Variants in ATXN7 observed in about 807,000 individuals in gnomAD.
The protein encoded by ATXN7 is ataxin 7.
Under a neutral mutation model 70.5 loss-of-function variants are expected in ATXN7, and 12 were observed. The ratio of observed to expected loss-of-function variants is 0.17; its 90% CI spans 0.11 to 0.28. The LOEUF (loss-of-function observed/expected upper bound fraction) is 0.28. ATXN7 is among the 10% of genes least tolerant of loss of function. The pLI is 1.00. For missense variants in ATXN7, 1,256 were observed against 1,131.7 expected, an observed-to-expected ratio of 1.11 and a Z score of -1.58; for synonymous variants, 498 against 448.7, an observed-to-expected ratio of 1.11 and a Z score of -1.39.
chr3:63,980,976 G>A (rs1268710079), intron 6 of ATXN7, among the ~76,000 whole-genome samples: 1 of 152,176 alleles, frequency 6.6e-6, no homozygotes, highest in Non-Finnish European at 1.5e-5. Flanking sequence ...GTCACGTGAG[G>A]GAGCAGCCAC....
chr3:64,002,969 GTAACTTA>G lies in ATXN7; in HGVS notation c.*3506_*3512del, dbSNP rs1199137893. On this transcript the variant is annotated 3_prime_UTR_variant, in exon 13 of 13. Transcript: ENST00000674280. The stretch of plus-strand genomic sequence containing the variant: ...GAAAAAAATGTATAATTTGAAAAAT[GTAACTTA>G]TAAGGGCAGCTGTCTTCCTGCAAGA... 3 of 152,102 alleles carry G rather than the reference GTAACTTA, an allele frequency of 2.0e-5. No homozygotes were observed. The highest frequency in any genetic ancestry group is 4.4e-5 in the Non-Finnish European group (3 of 68,026). 9.4% of individuals were successfully genotyped at this position (152,102 alleles called of 1,614,324 possible).
chr3:63,940,475 C>T (rs984342871), intron 4 of ATXN7, among the ~76,000 whole-genome samples: 1 of 152,084 alleles, frequency 6.6e-6, no homozygotes, highest in Non-Finnish European at 1.5e-5. Flanking sequence ...CACAATATAC[C>T]TGACAGATGT....
chr3:63,902,232 ACC>A (rs2107271292), intron 2 of ATXN7: 1 of 152,032 alleles, frequency 6.6e-6, no homozygotes, highest in African/African-American at 2.4e-5. Flanking sequence ...AACATTTGAA[ACC>A]CCGTCTCTAT....
chr3:63,920,953 T>G lies in ATXN7; in HGVS notation c.394+7728T>G, dbSNP rs577917057. ...CTCTGATTATTAAAGTATTTTTTGA[T>G]TGAAGTTCTAAGAAAAAGAAGCCTG... On this transcript the variant is annotated intron_variant, in intron 4 of 12. Transcript: ENST00000674280. Among the ~76,000 whole-genome samples, 16 of 152,330 alleles carry G rather than the reference T, an allele frequency of 1.1e-4. 1 individual carries two copies. Among genetic ancestry groups the G allele is most frequent in the African/African-American group, 3.6e-4 (15 of 41,574 alleles).
At chr3:63,952,835 C>CTTTTTTTTTTTTTTTTTTTTT (rs59256288) in intron 5 of ATXN7, among the ~76,000 whole-genome samples, 4 of 49,164 alleles carry the variant, frequency 8.1e-5, no homozygotes, top group African/African-American at 3.1e-4. Context: ...ATGCATGGGC[C>CTTTTTTTTTTTTTTTTTTTTT]TTTTTTTTTT....
chr3:63,982,924 G>C lies in ATXN7; in HGVS notation c.1013-15G>C. The C allele has an allele frequency of 6.2e-7, 1 of 1,609,008 alleles. No individual in the cohort carries two copies. The highest frequency in any genetic ancestry group is 2.2e-5 in the East Asian group (1 of 44,846). ...GTTTGTCAGGCCACATGTAATGCCT[G>C]TGTTCTTTTGACAGAAAGAGAGTTT... On this transcript the variant is annotated splice_polypyrimidine_tract_variant and intron_variant, in intron 7 of 12. Coordinates refer to ENST00000674280, the MANE Select transcript of ATXN7 (RefSeq NM_001377405.1).
intron 1 of ATXN7, among the ~76,000 whole-genome samples, chr3:63,881,858 C>T (rs1411502610): frequency 6.6e-6 from 1 of 152,116 alleles, no homozygotes; most frequent in Non-Finnish European, 1.5e-5. Flanking sequence ...AGGGGCTTAC[C>T]GGCTGCTGGG....
At chr3:63,917,591 C>A (rs567856187) in intron 4 of ATXN7, among the ~76,000 whole-genome samples, 2 of 152,100 alleles carry the variant, frequency 1.3e-5, no homozygotes, top group Non-Finnish European at 2.9e-5. Context: ...TAAGTCTAAC[C>A]GTTGTGTGGT....
Position 63,959,177 on chromosome 3 carries a change from C to T in ATXN7, c.499+6694C>T, listed in dbSNP as rs542041233. ...ATCATAGTCGCTATCTAAAGCCAAA[C>T]TCCTCCTCTTTTTGTATGAGACTCG... On this transcript the variant is annotated intron_variant, in intron 5 of 12. Transcript: ENST00000674280. 3.9e-5 allele frequency among the ~76,000 whole-genome samples: 6 copies of T among 152,356 alleles called. No individual in the cohort carries two copies. The East Asian group carries it at 5.8e-4, about 15-fold the overall frequency.
intron 1 of ATXN7, among the ~76,000 whole-genome samples, chr3:63,878,074 G>A (rs1559617684): frequency 6.6e-6 from 1 of 152,198 alleles, no homozygotes; most frequent in Non-Finnish European, 1.5e-5. Flanking sequence ...AAAGAAGGAA[G>A]GATGGCAGGC....
intron 5 of ATXN7, among the ~76,000 whole-genome samples, chr3:63,967,453 G>A (rs892425711): frequency 9.9e-5 from 15 of 152,084 alleles, no homozygotes; most frequent in African/African-American, 3.6e-4. Flanking sequence ...AATGCTGCAG[G>A]TATTTTATAG....
intron 1 of ATXN7, among the ~76,000 whole-genome samples, chr3:63,894,199 C>T (rs1430143161): frequency 6.6e-6 from 1 of 152,188 alleles, no homozygotes; most frequent in Non-Finnish European, 1.5e-5. Context: ...GGGCAGCTCC[C>T]AACACAGCTT....
intron 4 of ATXN7, among the ~76,000 whole-genome samples, chr3:63,917,783 G>A (rs928971761): frequency 6.6e-6 from 1 of 152,212 alleles, no homozygotes; most frequent in Admixed American, 6.5e-5. Context: ...AAGTGGATGA[G>A]TAGAGCTACT....
chr3:63,942,560 A>T (rs913331641), intron 4 of ATXN7, among the ~76,000 whole-genome samples: 1 of 152,186 alleles, frequency 6.6e-6, no homozygotes, highest in African/African-American at 2.4e-5. Context: ...GTAGCCATTC[A>T]TGTATTTATT....
chr3:63,958,455 T>C (rs925353837), intron 5 of ATXN7, among the ~76,000 whole-genome samples: 1 of 152,148 alleles, frequency 6.6e-6, no homozygotes, highest in African/African-American at 2.4e-5. Flanking sequence ...CTGGTTCTCA[T>C]TGTTGACAAC....
chr3:63,932,956 A>C (rs1386828562), intron 4 of ATXN7, among the ~76,000 whole-genome samples: 1 of 152,120 alleles, frequency 6.6e-6, no homozygotes, highest in African/African-American at 2.4e-5. Context: ...TTTAAACTTG[A>C]CCTTTATGGA....
intron 1 of ATXN7, among the ~76,000 whole-genome samples, chr3:63,871,992 A>G (rs1368608523): frequency 6.6e-6 from 1 of 152,114 alleles, no homozygotes; most frequent in Non-Finnish European, 1.5e-5. Context: ...TTTAACTATG[A>G]TAATTTTAGC....
At position 63,996,188 on chromosome 3, in the gene ATXN7, A is replaced by G. The variant is rs757691932; in HGVS notation, c.2366A>G (p.Lys789Arg). The change falls in exon 12 of 13, where the codon AAG (lysine) becomes AGG (arginine). Residue 789 changes from lysine (K) to arginine (R), a missense_variant. By Grantham distance (26) the Lys-to-Arg change is conservative. Transcript: ENST00000674280. ...ACCGGGAGCCCTGCTGAATCCATCA[A>G]GAGGATGAGTGTGATGGTGAACAGC... is the stretch of plus-strand genomic sequence containing the variant. Reference protein sequence around the residue: ...PPTGSPAESIKRMSVMVNSSD... With the variant: ...PPTGSPAESIRRMSVMVNSSD... The G allele has an allele frequency of 6.2e-6, 10 of 1,614,084 alleles. No homozygotes were observed. The highest frequency in any genetic ancestry group is 7.6e-6 in the Non-Finnish European group (9 of 1,180,042).
chr3:63,886,016 G>A (rs1049606466), intron 1 of ATXN7, among the ~76,000 whole-genome samples: 2 of 151,974 alleles, frequency 1.3e-5, no homozygotes, highest in African/African-American at 4.8e-5. Context: ...AACAAAAAAA[G>A]GAAAAGAAAA....
Sources: allele counts gnomAD v4.1 joint callset (sites outside exome capture counted in the v4.1 genomes callset), GRCh38; gene constraint gnomAD v4.1.1; transcripts MANE v1.5; gene names NCBI Gene and HGNC (gene_info 2026-07-23, HGNC 2026-07-21).